Variants in WSCD1 observed in about 807,000 individuals in gnomAD.
The protein encoded by WSCD1 is WSC domain sialate O sulfotransferase 1.
Under a neutral mutation model 60.4 loss-of-function variants are expected in WSCD1, and 41 were observed. The ratio of observed to expected loss-of-function variants is 0.68; its 90% CI spans 0.53 to 0.88. The LOEUF (loss-of-function observed/expected upper bound fraction) is 0.88, where lower values mean the gene tolerates loss of function less well. Ranked by LOEUF, WSCD1 falls within the 40% of genes least tolerant of loss-of-function variation. WSCD1 has a pLI of 0.00. For missense variants in WSCD1, 784 were observed against 796.2 expected, an observed-to-expected ratio of 0.98 and a Z score of 0.18; for synonymous variants, 361 against 332.5, an observed-to-expected ratio of 1.09 and a Z score of -0.93.
rs554701083 is a variant in WSCD1, at chr17:6,080,609, C to T, written c.-50C>T. The T allele has an allele frequency of 7.4e-5, 118 of 1,595,496 alleles. No homozygotes were observed. Among genetic ancestry groups the T allele is most frequent in the Admixed American group, 4.5e-4 (25 of 55,416 alleles). ...GGCCCTGGCCTCACTCCCACCTGGG[C>T]GCTAGGAGCCATCCCGGGGCTCCAG... On this transcript the variant is annotated 5_prime_UTR_variant, in exon 2 of 9. Coordinates refer to ENST00000317744, the MANE Select transcript of WSCD1 (RefSeq NM_015253.2). This position sits in a 1 kb window ranked among gnomAD's most constrained non-coding sequence, Gnocchi z 6.6.
rs1459945409 is a variant in WSCD1, at chr17:6,101,687, G to T, written c.849+6464G>T. On this transcript the variant is annotated intron_variant, in intron 5 of 8. Coordinates refer to ENST00000317744, the MANE Select transcript of WSCD1 (RefSeq NM_015253.2). This position sits in a 1 kb window ranked among gnomAD's most constrained non-coding sequence, Gnocchi z 4.1. ...TTTTAAAGCCCAGTGAAATGATCTT[G>T]TCTAATTTCCTGTGATCGTATGGAG... is the stretch of plus-strand genomic sequence containing the variant. Among the ~76,000 whole-genome samples the T allele has an allele frequency of 6.6e-6, 1 of 152,172 alleles. No individual in the cohort carries two copies. Among genetic ancestry groups the T allele is most frequent in the African/African-American group, 2.4e-5 (1 of 41,438 alleles).
At chr17:6,086,368 C>T (rs1470497072) in intron 2 of WSCD1, among the ~76,000 whole-genome samples, 1 of 150,930 alleles carries the variant, frequency 6.6e-6, no homozygotes, top group African/African-American at 2.4e-5. Flanking sequence ...CAGAGTCTTG[C>T]TCTGTCACCC....
Position 6,095,057 on chromosome 17 carries a change from A to G in WSCD1, c.728-45A>G, listed in dbSNP as rs745672759. 4 of 1,581,222 alleles carry G rather than the reference A, an allele frequency of 2.5e-6. No homozygotes were observed. In the African/African-American group the frequency reaches 4.1e-5, roughly 16 times the overall value. On this transcript the variant is annotated intron_variant, in intron 4 of 8. Coordinates refer to ENST00000317744, the MANE Select transcript of WSCD1 (RefSeq NM_015253.2). ...ATTTTCCCTGGTGACAGGCACCAAC[A>G]ACTGGACACCATCTCTTACCAGAAA... is the stretch of plus-strand genomic sequence containing the variant.
At chr17:6,104,301 T>A (rs1041054267) in intron 5 of WSCD1, among the ~76,000 whole-genome samples, 2 of 152,160 alleles carry the variant, frequency 1.3e-5, no homozygotes, top group Non-Finnish European at 2.9e-5. Context: ...CCTCCAACAT[T>A]GGGGGTCACA....
Position 6,120,449 on chromosome 17 carries a change from G to A in WSCD1, c.1516G>A (p.Ala506Thr), listed in dbSNP as rs372782302. ...GGTGCCCACGTTACGGGAGATGGTG[G>A]CCTTCCTCAACGTGTCTGTGAGCGA... ...SLVPTLREMVAFLNVSVSEER... is the reference protein window; with the variant it reads ...SLVPTLREMVTFLNVSVSEER... Residue 506 changes from alanine to threonine, a missense_variant, in exon 9 of 9, where the codon GCC becomes ACC. By Grantham distance (58) the Ala-to-Thr change is moderately conservative. Transcript: ENST00000317744. 97 of 1,613,914 alleles carry A rather than the reference G, an allele frequency of 6.0e-5. No individual in the cohort carries two copies. Among genetic ancestry groups the A allele is most frequent in the Middle Eastern group, 1.6e-4 (1 of 6,084 alleles).
Position 6,101,291 on chromosome 17 carries a change from T to G in WSCD1, c.849+6068T>G, listed in dbSNP as rs1259496408. On this transcript the variant is annotated intron_variant, in intron 5 of 8. Transcript: ENST00000317744. The surrounding 1 kb of genome is among the most constrained non-coding windows in gnomAD (Gnocchi z 4.1). Reference sequence around the variant, plus strand: ...ACTATAATACAACCATTGAAAATGTTTTCAAAGACTTTGATGATGGAAAAT... The same window carrying G: ...ACTATAATACAACCATTGAAAATGTGTTCAAAGACTTTGATGATGGAAAAT... Among the ~76,000 whole-genome samples the G allele has an allele frequency of 2.0e-5, 3 of 152,184 alleles. No homozygotes were observed. The highest frequency in any genetic ancestry group is 4.4e-5 in the Non-Finnish European group (3 of 68,038).
rs566746602 is a variant in WSCD1 at position 6,095,256 on chromosome 17, C to G, written c.849+33C>G. Reference sequence around the variant, plus strand: ...CAAGTGATCATTTCACAACCCTTTCCTTTAAGTGTGTGTGGTGGTCCTGAG... The same window carrying G: ...CAAGTGATCATTTCACAACCCTTTCGTTTAAGTGTGTGTGGTGGTCCTGAG... On this transcript the variant is annotated intron_variant, in intron 5 of 8. Coordinates refer to ENST00000317744, the MANE Select transcript of WSCD1 (RefSeq NM_015253.2). 3.7e-6 allele frequency: 6 copies of G among 1,601,652 alleles called. No homozygotes were observed. In the Admixed American group the frequency reaches 1.0e-4, roughly 27 times the overall value.
intron 6 of WSCD1, 28 bp downstream of exon 6, chr17:6,109,794 G>A (rs1911305244): frequency 6.2e-7 from 1 of 1,601,708 alleles, no homozygotes; most frequent in South Asian, 1.1e-5. Flanking sequence ...GACTGGTAGT[G>A]GCATTTGGTC....
At position 6,101,898 on chromosome 17, in the gene WSCD1, C is replaced by T. The variant is rs558656418; in HGVS notation, c.849+6675C>T. 3.9e-5 allele frequency among the ~76,000 whole-genome samples: 6 copies of T among 152,130 alleles called. No individual in the cohort carries two copies. Among genetic ancestry groups the T allele is most frequent in the South Asian group, 4.2e-4 (2 of 4,818 alleles). Reference sequence around the variant, plus strand: ...AGATAGGCCATTTGTGGGGGTGCTCCGAAAGGAGGCTGATGAGCGAAATCT... The same window carrying T: ...AGATAGGCCATTTGTGGGGGTGCTCTGAAAGGAGGCTGATGAGCGAAATCT... On this transcript the variant is annotated intron_variant, in intron 5 of 8. Transcript: ENST00000317744. The surrounding 1 kb of genome is among the most constrained non-coding windows in gnomAD (Gnocchi z 4.1).
chr17:6,088,634 G>T (rs980114636), intron 3 of WSCD1, among the ~76,000 whole-genome samples: 2 of 152,084 alleles, frequency 1.3e-5, no homozygotes, highest in African/African-American at 4.8e-5. Context: ...CACTTGTCAT[G>T]TGCCAGGGAA....
chr17:6,098,019 T>C (rs1418054112), intron 5 of WSCD1, among the ~76,000 whole-genome samples: 1 of 151,374 alleles, frequency 6.6e-6, no homozygotes, highest in Non-Finnish European at 1.5e-5. Context: ...GGTGTGATCA[T>C]AGCTCACTGT....
intron 1 of WSCD1, among the ~76,000 whole-genome samples, chr17:6,079,024 C>T (rs1023399681): frequency 2.0e-5 from 3 of 152,202 alleles, no homozygotes; most frequent in South Asian, 2.1e-4. Flanking sequence ...CTGCTACCTC[C>T]GCCCCAGCCT....
rs1385461186 is a variant in WSCD1, at chr17:6,075,522, G to A, written c.-288-4849G>A. On this transcript the variant is annotated intron_variant, in intron 1 of 8. Transcript: ENST00000317744. The surrounding 1 kb of genome is among the most constrained non-coding windows in gnomAD (Gnocchi z 4.1). ...GTTGCTGCTCCCTCGGTCCCAGATG[G>A]CAACAAAGTAATAGACAAAAGCTCA... is the stretch of plus-strand genomic sequence containing the variant. Among the ~76,000 whole-genome samples, 1 of 152,116 alleles carries A rather than the reference G, an allele frequency of 6.6e-6. No homozygotes were observed. The highest frequency in any genetic ancestry group is 1.5e-5 in the Non-Finnish European group (1 of 68,024).
In WSCD1 at chr17:6,101,308, A is replaced by G. The variant is rs1039167186; in HGVS notation, c.849+6085A>G. ...GAAAATGTTTTCAAAGACTTTGATGATGGAAAATGCTCACAGTAGAATGTT... is the reference window on the plus strand; with the variant it reads ...GAAAATGTTTTCAAAGACTTTGATGGTGGAAAATGCTCACAGTAGAATGTT... On this transcript the variant is annotated intron_variant, in intron 5 of 8. Coordinates refer to ENST00000317744, the MANE Select transcript of WSCD1 (RefSeq NM_015253.2). This position sits in a 1 kb window ranked among gnomAD's most constrained non-coding sequence, Gnocchi z 4.1. 2.6e-5 allele frequency among the ~76,000 whole-genome samples: 4 copies of G among 152,176 alleles called. No homozygotes were observed. The highest frequency in any genetic ancestry group is 9.7e-5 in the African/African-American group (4 of 41,414).
chr17:6,123,680 T>C lies in WSCD1; in HGVS notation c.*3019T>C, dbSNP rs1229850015. The stretch of plus-strand genomic sequence containing the variant: ...TCTGCTGACTTGCTCGGAAACCCAT[T>C]GGAGGTATCTGAAATGTGATGACTC... On this transcript the variant is annotated 3_prime_UTR_variant, in exon 9 of 9. Transcript: ENST00000317744. 2 of 152,186 alleles carry C rather than the reference T, an allele frequency of 1.3e-5. No homozygotes were observed. Among genetic ancestry groups the C allele is most frequent in the Non-Finnish European group, 2.9e-5 (2 of 68,030 alleles). 9.4% of individuals were successfully genotyped at this position (152,186 alleles called of 1,614,324 possible). A position where few individuals can be genotyped will look rare whatever the true frequency, so the allele number is the denominator to read the frequency against.
chr17:6,115,497 A>C (rs1019861603), intron 7 of WSCD1, among the ~76,000 whole-genome samples: 3 of 147,802 alleles, frequency 2.0e-5, no homozygotes, highest in African/African-American at 7.3e-5. Context: ...AGACAAGTCC[A>C]TTGGCATCAA....
chr17:6,105,705 A>G (rs1190394711), intron 5 of WSCD1, among the ~76,000 whole-genome samples: 1 of 152,220 alleles, frequency 6.6e-6, no homozygotes, highest in Non-Finnish European at 1.5e-5. Context: ...GGGGCAGCCC[A>G]TTCTCCAGTC....
chr17:6,123,361 A>C lies in WSCD1; in HGVS notation c.*2700A>C, dbSNP rs1320823889. The C allele has an allele frequency of 2.0e-5, 3 of 152,228 alleles. No individual in the cohort carries two copies. Among genetic ancestry groups the C allele is most frequent in the Non-Finnish European group, 4.4e-5 (3 of 68,052 alleles). 9.4% of individuals were successfully genotyped at this position (152,228 alleles called of 1,614,324 possible). A position where few individuals can be genotyped will look rare whatever the true frequency, so the allele number is the denominator to read the frequency against. ...AAAAACCAAAATATGTAATTTTAAA[A>C]AACTAAAACACATCCTGGTAGTCCC... On this transcript the variant is annotated 3_prime_UTR_variant, in exon 9 of 9. Transcript: ENST00000317744.
chr17:6,107,866 C>T (rs553716117), intron 5 of WSCD1, among the ~76,000 whole-genome samples: 1 of 152,266 alleles, frequency 6.6e-6, no homozygotes, highest in African/African-American at 2.4e-5. Context: ...GGGTCAGGCC[C>T]CAGCTCTCGC....
Sources: gnomAD v4.1 joint callset for allele counts (sites outside exome capture counted in the v4.1 genomes callset) on GRCh38, gnomAD v4.1.1 for gene constraint, Gnocchi (gnomAD v3.1) non-coding constraint, MANE v1.5 for transcripts, NCBI Gene and HGNC (gene_info 2026-07-23, HGNC 2026-07-21) for gene names.